The following PTPN13 variants were observed in gnomAD, a reference collection of about 807,000 sequenced individuals.
PTPN13 encodes the protein tyrosine-protein phosphatase non-receptor type 13.
PTPN13 carries 191 observed loss-of-function variants against 284.0 expected under a neutral mutation model. The ratio of observed to expected loss-of-function variants is 0.67; its 90% CI spans 0.60 to 0.76. PTPN13 has a LOEUF of 0.76. Among genes scored for constraint, PTPN13 ranks in the 30% least tolerant of loss-of-function variants. PTPN13 has a pLI of 0.00. For missense variants in PTPN13, 2,797 were observed against 2,939.9 expected (o/e 0.95, Z 1.12); for synonymous variants, 986 against 1,022.3 (o/e 0.96, Z 0.68).
chr4:86,629,798 G>T (rs921592095), intron 1 of PTPN13, among the ~76,000 whole-genome samples: 1 of 151,472 alleles, frequency 6.6e-6, no homozygotes, highest in African/African-American at 2.4e-5. Flanking sequence ...TTGCTCTGTT[G>T]CCCAGGCTGG....
chr4:86,609,091 G>A (rs1046491114), intron 1 of PTPN13, among the ~76,000 whole-genome samples: 4 of 152,178 alleles, frequency 2.6e-5, no homozygotes, highest in Admixed American at 6.5e-5. Context: ...CTTAGTTGGA[G>A]AAGTGGACTT....
At chr4:86,665,979 C>T (rs1727027177) in intron 2 of PTPN13, among the ~76,000 whole-genome samples, 2 of 152,112 alleles carry the variant, frequency 1.3e-5, no homozygotes, top group East Asian at 1.9e-4. Context: ...TGCCAGGAAC[C>T]GTTCTAAGTC....
chr4:86,658,971 G>A (rs573064925), intron 2 of PTPN13, among the ~76,000 whole-genome samples: 6 of 152,178 alleles, frequency 3.9e-5, no homozygotes, highest in African/African-American at 1.4e-4. Flanking sequence ...AATAAGGTCA[G>A]AATTTGGTAG....
chr4:86,753,270 G>A (rs1050827739), intron 20 of PTPN13, among the ~76,000 whole-genome samples: 5 of 152,086 alleles, frequency 3.3e-5, no homozygotes, highest in African/African-American at 4.8e-5. Flanking sequence ...TGACAAATTA[G>A]AGATAAGGAC....
intron 7 of PTPN13, among the ~76,000 whole-genome samples, chr4:86,710,097 AAAGG>A (rs1732218596): frequency 6.6e-6 from 1 of 152,210 alleles, no homozygotes; most frequent in South Asian, 2.1e-4. Flanking sequence ...ATTCTCCCAT[AAAGG>A]AAGCATAGAA....
chr4:86,763,339 GCTAA>G, intron 24 of PTPN13, 149 bp downstream of exon 24: 2 of 743,156 alleles, frequency 2.7e-6, no homozygotes, highest in Non-Finnish European at 4.3e-6. Context: ...TGCATTTGAT[GCTAA>G]CTTTCAGAGA....
At chr4:86,813,899 G>C (rs1239008790) in intron 47 of PTPN13, among the ~76,000 whole-genome samples, 1 of 151,672 alleles carries the variant, frequency 6.6e-6, no homozygotes, top group Non-Finnish European at 1.5e-5. Flanking sequence ...AGCACTCTAG[G>C]ATAGTTCCAT....
At chr4:86,713,734 T>A (rs1209251834) in intron 7 of PTPN13, among the ~76,000 whole-genome samples, 1 of 152,136 alleles carries the variant, frequency 6.6e-6, no homozygotes, top group East Asian at 1.9e-4. Context: ...CATCTATACT[T>A]CTTCTCGCAT....
chr4:86,669,690 T>C (rs1727518847), intron 2 of PTPN13, among the ~76,000 whole-genome samples: 1 of 152,004 alleles, frequency 6.6e-6, no homozygotes, highest in African/African-American at 2.4e-5. Context: ...AAAGGAAGAA[T>C]GTAGCAAGCC....
rs758327772 is a variant in PTPN13, at chr4:86,805,310, G to A, written c.6686G>A (p.Cys2229Tyr). The change falls in exon 44 of 48, where the codon TGT becomes TAT. Residue 2229 changes from cysteine to tyrosine, a missense_variant. Transcript: ENST00000411767. ...CAAGAATTAAAACCTTTGGATCAGT[G>A]TCTAATTGGGCAAACTAAGGAAAAC... ...NLQELKPLDQ[C>Y]LIGQTKENRR... 1.9e-6 allele frequency: 3 copies of A among 1,600,450 alleles called. No individual in the cohort carries two copies. The highest frequency in any genetic ancestry group is 1.7e-5 in the Admixed American group (1 of 59,064).
At chr4:86,699,247 G>A (rs1049239683) in intron 6 of PTPN13, among the ~76,000 whole-genome samples, 2 of 152,010 alleles carry the variant, frequency 1.3e-5, no homozygotes, top group African/African-American at 2.4e-5. Flanking sequence ...CAAAATTAGC[G>A]TGGTGGTGGG....
chr4:86,727,813 C>G (rs755637305), intron 10 of PTPN13, among the ~76,000 whole-genome samples: 1 of 149,292 alleles, frequency 6.7e-6, no homozygotes, highest in Non-Finnish European at 1.5e-5. Context: ...TCTCTATCTC[C>G]TTCAGTTCTG....
intron 16 of PTPN13, 46 bp from the exon 17 acceptor site, chr4:86,744,920 T>TA: frequency 7.3e-7 from 1 of 1,371,340 alleles, no homozygotes; most frequent in South Asian, 1.3e-5. Flanking sequence ...ATATAAATAA[T>TA]ATCTCTACTT....
chr4:86,766,432 G>A lies in PTPN13; in HGVS notation c.4244G>A (p.Gly1415Asp), dbSNP rs751929456. ...AAESDGRIHK[G>D]DRVLAVNGVS... ...ATGATTTGAACTGCCTAATTTTTAGGTGATCGCGTCCTAGCTGTCAATGGA... is the reference window on the plus strand; with the variant it reads ...ATGATTTGAACTGCCTAATTTTTAGATGATCGCGTCCTAGCTGTCAATGGA... The change falls in exon 27 of 48, where the codon GGT (glycine) becomes GAT (aspartate). Residue 1415 changes from glycine to aspartate, a missense_variant and splice_region_variant. Coordinates refer to ENST00000411767, the MANE Select transcript of PTPN13 (RefSeq NM_080683.3). The A allele has an allele frequency of 6.2e-7, 1 of 1,602,908 alleles. No individual in the cohort carries two copies. Among genetic ancestry groups the A allele is most frequent in the South Asian group, 1.1e-5 (1 of 88,058 alleles).
chr4:86,602,843 G>A (rs1180291388), intron 1 of PTPN13, among the ~76,000 whole-genome samples: 2 of 151,900 alleles, frequency 1.3e-5, no homozygotes, highest in Admixed American at 6.6e-5. Flanking sequence ...GGCACCTGCT[G>A]CCACACACAC....
At chr4:86,639,581 A>G (rs1169013319) in intron 2 of PTPN13, among the ~76,000 whole-genome samples, 2 of 152,066 alleles carry the variant, frequency 1.3e-5, no homozygotes, top group East Asian at 1.9e-4. Flanking sequence ...CGCAAGGACA[A>G]AAAACCAAAC....
At chr4:86,643,118 A>T (rs1268699596) in intron 2 of PTPN13, among the ~76,000 whole-genome samples, 2 of 152,212 alleles carry the variant, frequency 1.3e-5, no homozygotes, top group Non-Finnish European at 2.9e-5. Context: ...AAATCCCTTT[A>T]TAAGTAGTCA....
At chr4:86,724,456 C>A (rs1288517976) in intron 10 of PTPN13, among the ~76,000 whole-genome samples, 1 of 152,158 alleles carries the variant, frequency 6.6e-6, no homozygotes, top group Non-Finnish European at 1.5e-5. Flanking sequence ...TTATAGCATG[C>A]CACTGTGATA....
chr4:86,810,497 T>G (rs1256667264), intron 46 of PTPN13, among the ~76,000 whole-genome samples: 1 of 152,184 alleles, frequency 6.6e-6, no homozygotes, highest in African/African-American at 2.4e-5. Flanking sequence ...TGAACTCAAA[T>G]TAATATAAAC....
Sources: gnomAD v4.1 joint callset for allele counts (sites outside exome capture counted in the v4.1 genomes callset) on GRCh38, gnomAD v4.1.1 for gene constraint, MANE v1.5 for transcripts, NCBI Gene and HGNC (gene_info 2026-07-23, HGNC 2026-07-21) for gene names.